SCHIP1: variants seen among roughly 807,000 people sequenced by gnomAD.
SCHIP1 encodes schwannomin-interacting protein 1.
In SCHIP1, 8 loss-of-function variants were observed where a neutral mutation model predicts 29.7. The ratio of observed to expected loss-of-function variants is 0.27; its 90% CI spans 0.16 to 0.49. SCHIP1 has a LOEUF of 0.49. Ranked by LOEUF, SCHIP1 falls within the 20% of genes least tolerant of loss-of-function variation. SCHIP1 has a pLI of 0.99. For missense variants in SCHIP1, 193 were observed against 294.6 expected (o/e 0.66, Z 2.52); for synonymous variants, 76 against 94.9 (o/e 0.80, Z 1.16).
At chr3:159,891,185 C>G (rs1332847067) in intron 5 of SCHIP1, among the ~76,000 whole-genome samples, 2 of 152,078 alleles carry the variant, frequency 1.3e-5, no homozygotes, top group Non-Finnish European at 2.9e-5. Context: ...TCCTGGCTAA[C>G]AAGGCAAAAC....
the SCHIP1 span, among the ~76,000 whole-genome samples, chr3:159,280,499 G>T: frequency 2.0e-5 from 3 of 152,112 alleles, no homozygotes; most frequent in South Asian, 4.1e-4. Flanking sequence ...CTCCTGGAGG[G>T]TTTTCTCATC....
chr3:159,490,986 T>A, the SCHIP1 span, among the ~76,000 whole-genome samples: 1 of 152,212 alleles, frequency 6.6e-6, no homozygotes, highest in African/African-American at 2.4e-5. Context: ...TAATAAGATG[T>A]CCCATTTAAT....
At chr3:159,659,921 G>A in the SCHIP1 span, among the ~76,000 whole-genome samples, 138 of 152,224 alleles carry the variant, frequency 9.1e-4, no homozygotes, top group African/African-American at 2.9e-3. Flanking sequence ...CAGATCTATC[G>A]TGTATTCTGG....
the SCHIP1 span, among the ~76,000 whole-genome samples, chr3:159,756,816 G>T: frequency 6.6e-6 from 1 of 152,140 alleles, no homozygotes; most frequent in East Asian, 1.9e-4. Flanking sequence ...CAAGTTCAAA[G>T]TTCCACAGAT....
At chr3:159,578,261 G>T in the SCHIP1 span, among the ~76,000 whole-genome samples, 4 of 152,274 alleles carry the variant, frequency 2.6e-5, no homozygotes, top group Non-Finnish European at 5.9e-5. Flanking sequence ...TCAAAATGTG[G>T]CTAATCCAGA....
the SCHIP1 span, among the ~76,000 whole-genome samples, chr3:159,703,930 G>T: frequency 6.6e-6 from 1 of 152,012 alleles, no homozygotes; most frequent in South Asian, 2.1e-4. Flanking sequence ...AAAGCCAAAG[G>T]CTCACATCCT....
At chr3:159,454,727 A>C in the SCHIP1 span, among the ~76,000 whole-genome samples, 1 of 152,170 alleles carries the variant, frequency 6.6e-6, no homozygotes, top group African/African-American at 2.4e-5. Flanking sequence ...TCTTTCCCAC[A>C]TATGAAGTCT....
At chr3:159,722,362 G>C in the SCHIP1 span, 15 of 153,826 alleles carry the variant, frequency 9.8e-5, no homozygotes, top group African/African-American at 3.4e-4. Context: ...ACTCTGAGTT[G>C]GCCTGGCACC....
chr3:159,620,671 G>A, the SCHIP1 span, among the ~76,000 whole-genome samples: 1 of 152,158 alleles, frequency 6.6e-6, no homozygotes, highest in Non-Finnish European at 1.5e-5. Context: ...CTGTGGACTG[G>A]GTCCCACTCA....
At chr3:159,502,275 T>C in the SCHIP1 span, among the ~76,000 whole-genome samples, 1 of 152,120 alleles carries the variant, frequency 6.6e-6, no homozygotes, top group Non-Finnish European at 1.5e-5. Flanking sequence ...TTGATCGTAA[T>C]GTATTGTGTG....
chr3:159,369,114 A>T, the SCHIP1 span, among the ~76,000 whole-genome samples: 1 of 152,138 alleles, frequency 6.6e-6, no homozygotes, highest in East Asian at 1.9e-4. Context: ...TTTTTACCTT[A>T]AGACAGAGAG....
chr3:159,698,842 C>T, the SCHIP1 span, among the ~76,000 whole-genome samples: 1 of 151,948 alleles, frequency 6.6e-6, no homozygotes, highest in Non-Finnish European at 1.5e-5. Context: ...GACGGGGTTG[C>T]TCCATGTTGG....
chr3:159,500,392 A>T, the SCHIP1 span, among the ~76,000 whole-genome samples: 1 of 152,142 alleles, frequency 6.6e-6, no homozygotes, highest in Non-Finnish European at 1.5e-5. Context: ...TTTCTTGACA[A>T]CAGGTATTAT....
At chr3:159,843,782 C>T (rs1436616787) in intron 1 of SCHIP1, among the ~76,000 whole-genome samples, 1 of 143,118 alleles carries the variant, frequency 7.0e-6, no homozygotes, top group Non-Finnish European at 1.5e-5. Context: ...GAGATCACGC[C>T]ACTGCGCTCC....
the SCHIP1 span, among the ~76,000 whole-genome samples, chr3:159,563,139 C>T: frequency 1.3e-5 from 2 of 152,256 alleles, no homozygotes; most frequent in East Asian, 1.9e-4. Context: ...CTTCAGAGAA[C>T]GTCAGCTCCC....
the SCHIP1 span, among the ~76,000 whole-genome samples, chr3:159,340,029 C>T: frequency 5.3e-5 from 8 of 151,894 alleles, no homozygotes; most frequent in Admixed American, 2.0e-4. Flanking sequence ...AGTCAGTTTT[C>T]AATTATTAGT....
the SCHIP1 span, among the ~76,000 whole-genome samples, chr3:159,422,958 C>A: frequency 3.0e-5 from 3 of 100,760 alleles, no homozygotes; most frequent in Non-Finnish European, 7.2e-5. Context: ...CTATTAGTTA[C>A]ATAAGAGTAG....
At chr3:159,700,898 G>C in the SCHIP1 span, among the ~76,000 whole-genome samples, 12 of 152,056 alleles carry the variant, frequency 7.9e-5, no homozygotes, top group Admixed American at 7.9e-4. Flanking sequence ...CAGGCAGTAG[G>C]TATGTATGTC....
At chr3:159,889,206 G>C (rs1448207142) in intron 5 of SCHIP1, among the ~76,000 whole-genome samples, 1 of 152,220 alleles carries the variant, frequency 6.6e-6, no homozygotes, top group Non-Finnish European at 1.5e-5. Context: ...CACAGTGCAT[G>C]TACCTGACTT....
Sources: allele counts gnomAD v4.1 joint callset (sites outside exome capture counted in the v4.1 genomes callset), GRCh38; gene constraint gnomAD v4.1.1; transcripts MANE v1.5; gene names NCBI Gene and HGNC (gene_info 2026-07-23, HGNC 2026-07-21).